GUCD1: variants seen among roughly 807,000 people sequenced by gnomAD.
GUCD1 encodes protein GUCD1.
GUCD1 carries 17 observed loss-of-function variants against 28.3 expected under a neutral mutation model. The observed-to-expected ratio is 0.60, with a 90% CI of 0.41 to 0.90. The LOEUF (loss-of-function observed/expected upper bound fraction) is 0.90, where lower values mean the gene tolerates loss of function less well. GUCD1 is among the 40% of genes least tolerant of loss of function. The pLI is 0.00. For missense variants in GUCD1, 279 were observed against 305.5 expected (o/e 0.91, Z 0.65); for synonymous variants, 129 against 123.3 (o/e 1.05, Z -0.30).
At chr22:24,555,880 G>A, upstream of GUCD1, 1 of 1,516,312 alleles carries the variant, frequency 6.6e-7, no homozygotes, top group African/African-American at 1.4e-5. Context: ...TTTCCCAGCC[G>A]GCAGGCGGAG....
upstream of GUCD1, chr22:24,555,224 T>G: frequency 3.1e-6 from 4 of 1,303,036 alleles, 1 homozygote; most frequent in South Asian, 9.4e-5. Context: ...CAAACTTTGA[T>G]CTTAGAGGTC....
intron 1 of GUCD1, among the ~76,000 whole-genome samples, chr22:24,550,567 C>T (rs1194469675): frequency 6.6e-6 from 1 of 152,224 alleles, no homozygotes; most frequent in Non-Finnish European, 1.5e-5. Flanking sequence ...CACATTGTTT[C>T]CCCATCTGGC....
intron 1 of GUCD1, among the ~76,000 whole-genome samples, chr22:24,549,293 C>A (rs2044810784): frequency 6.6e-6 from 1 of 152,214 alleles, no homozygotes; most frequent in South Asian, 2.1e-4. Flanking sequence ...GCACCCTTGC[C>A]TTTGCTTGTC....
At chr22:24,555,609 C>A, upstream of GUCD1, 1 of 1,550,636 alleles carries the variant, frequency 6.4e-7, no homozygotes, top group Admixed American at 2.0e-5. Context: ...TCAGGGCCCC[C>A]CTTACCTGGC....
intron 3 of GUCD1, 144 bp downstream of exon 3, chr22:24,547,764 T>C: frequency 1.2e-6 from 1 of 816,988 alleles, no homozygotes. Flanking sequence ...ATAGCCTCTC[T>C]GCTGCTGCTC....
intron 1 of GUCD1, among the ~76,000 whole-genome samples, chr22:24,552,551 C>T (rs536721171): frequency 1.2e-3 from 176 of 152,226 alleles, no homozygotes; most frequent in African/African-American, 4.1e-3. Context: ...GCAGGCGGAT[C>T]ACTTGAGGTC....
At position 24,541,359 on chromosome 22, in the gene GUCD1, C is replaced by T. The variant is rs984653403; in HGVS notation, c.*1647G>A. ...TGCAGGGATGGTATCACTGTTGCCC[C>T]TTTGAAAATGACCCATTTCCCACTT... On this transcript the variant is annotated 3_prime_UTR_variant, in exon 6 of 6. Transcript: ENST00000435822. 1 of 152,334 alleles carries T rather than the reference C, an allele frequency of 6.6e-6. No homozygotes were observed. The highest frequency in any genetic ancestry group is 1.5e-5 in the Non-Finnish European group (1 of 68,156). The allele number at this position is 152,334 out of a possible 1,614,324, so 9.4% of individuals were successfully genotyped here.
rs1183669476 is a variant in GUCD1 at position 24,547,119 on chromosome 22, G to T, written c.295-114C>A. ...GCAGAGACAGCAGGAGGGCAGAGGAGCCCCACCTGCCAGGGCAGACGGTAC... is the reference window on the plus strand; with the variant it reads ...GCAGAGACAGCAGGAGGGCAGAGGATCCCCACCTGCCAGGGCAGACGGTAC... On this transcript the variant is annotated intron_variant, in intron 3 of 5. Coordinates refer to ENST00000435822, the MANE Select transcript of GUCD1 (RefSeq NM_001284254.2). 3.9e-6 allele frequency: 3 copies of T among 779,124 alleles called. No homozygotes were observed. In the East Asian group the frequency reaches 7.5e-5, roughly 19 times the overall value. 48.3% of individuals were successfully genotyped at this position (779,124 alleles called of 1,614,324 possible).
intron 1 of GUCD1, among the ~76,000 whole-genome samples, chr22:24,553,408 C>T (rs1383403592): frequency 6.6e-6 from 1 of 152,212 alleles, no homozygotes; most frequent in African/African-American, 2.4e-5. Flanking sequence ...AATGAGAATT[C>T]TTCAGTGGCA....
chr22:24,555,886 C>G (rs1375068374), upstream of GUCD1: 3 of 1,510,228 alleles, frequency 2.0e-6, no homozygotes, highest in African/African-American at 2.8e-5. Context: ...AGCCGGCAGG[C>G]GGAGTGAGGA....
intron 3 of GUCD1, chr22:24,547,464 G>C (rs1314847665): frequency 5.2e-6 from 1 of 192,370 alleles, no homozygotes; most frequent in Admixed American, 5.3e-5. Flanking sequence ...AAAAAGAAAA[G>C]ATGGTATTTT....
chr22:24,543,077 T>G lies in GUCD1; in HGVS notation c.649A>C (p.Ser217Arg). Reference sequence around the variant, plus strand: ...CTGGTTCTGGCCTCCTCAAAGTTACTGATGCTGGTGCTGCACATTCCTGCT... The same window carrying G: ...CTGGTTCTGGCCTCCTCAAAGTTACGGATGCTGGTGCTGCACATTCCTGCT... ...YADRMCSTSI[S>R]NFEEARTSYG... The change falls in exon 6 of 6, where the codon AGT (serine) becomes CGT (arginine). Residue 217 changes from serine to arginine, a missense_variant. By Grantham distance (110) the Ser-to-Arg change is moderately radical. Transcript: ENST00000435822. The G allele has an allele frequency of 6.8e-6, 11 of 1,613,904 alleles. No individual in the cohort carries two copies. The highest frequency in any genetic ancestry group is 9.3e-6 in the Non-Finnish European group (11 of 1,179,822).
At chr22:24,544,979 G>C (rs1013591397) in intron 4 of GUCD1, among the ~76,000 whole-genome samples, 1 of 151,234 alleles carries the variant, frequency 6.6e-6, no homozygotes, top group African/African-American at 2.4e-5. Context: ...GCAATATTGC[G>C]CCACAGCACT....
upstream of GUCD1, chr22:24,555,614 C>G (rs757072755): frequency 6.4e-7 from 1 of 1,550,676 alleles, no homozygotes; most frequent in Non-Finnish European, 8.7e-7. Flanking sequence ...GCCCCCCTTA[C>G]CTGGCGGTGC....
intron 1 of GUCD1, among the ~76,000 whole-genome samples, chr22:24,550,834 C>T (rs1360152810): frequency 6.6e-6 from 1 of 152,202 alleles, no homozygotes; most frequent in Non-Finnish European, 1.5e-5. Context: ...CACAGACTGG[C>T]TACACCCTTT....
chr22:24,544,167 C>G, intron 4 of GUCD1, 84 bp from the exon 5 acceptor site: 3 of 1,540,488 alleles, frequency 1.9e-6, no homozygotes, highest in Non-Finnish European at 2.6e-6. Context: ...GCCTGTTTCT[C>G]TGTTACAAAG....
chr22:24,543,489 C>T (rs552906209), intron 5 of GUCD1, among the ~76,000 whole-genome samples: 7 of 152,082 alleles, frequency 4.6e-5, no homozygotes, highest in East Asian at 1.9e-4. Context: ...TGGGTCTGGC[C>T]GGGCTTTTCT....
At position 24,540,593 on chromosome 22, in the gene GUCD1, A is replaced by C. The variant is rs2044568082; in HGVS notation, c.*2413T>G. The C allele has an allele frequency of 6.6e-6, 1 of 152,250 alleles. No homozygotes were observed. The highest frequency in any genetic ancestry group is 2.4e-5 in the African/African-American group (1 of 41,472). 9.4% of individuals were successfully genotyped at this position (152,250 alleles called of 1,614,324 possible). ...TTCAGGTGCTGTGCTGGTCCCCAGC[A>C]TGTGAACAGGCTGGGCAGCTGTCGG... On this transcript the variant is annotated 3_prime_UTR_variant, in exon 6 of 6. Coordinates refer to ENST00000435822, the MANE Select transcript of GUCD1 (RefSeq NM_001284254.2).
rs145631847 is a variant in GUCD1 at position 24,547,982 on chromosome 22, G to A, written c.220C>T (p.Leu74=). ...TGCCTCACGCCAAAGTGGTGCATCA[G>A]GTAGGCCAGGTCGATGGTCCAGATG... ...RSIWTIDLAY[L]MHHFGVRHRF... The change falls in exon 3 of 6, where the codon CTG becomes TTG. Residue 74 remains leucine (L), a synonymous_variant. Coordinates refer to ENST00000435822, the MANE Select transcript of GUCD1 (RefSeq NM_001284254.2). 1.9e-6 allele frequency: 3 copies of A among 1,614,102 alleles called. No individual in the cohort carries two copies. The highest frequency in any genetic ancestry group is 3.3e-5 in the Admixed American group (2 of 60,014).
Sources: gnomAD v4.1 joint callset for allele counts (sites outside exome capture counted in the v4.1 genomes callset) on GRCh38, gnomAD v4.1.1 for gene constraint, MANE v1.5 for transcripts, NCBI Gene and HGNC (gene_info 2026-07-23, HGNC 2026-07-21) for gene names.